The following CATSPERD variants were observed in gnomAD, a reference collection of about 807,000 sequenced individuals.
The protein encoded by CATSPERD is cation channel sperm-associated auxiliary subunit delta.
In CATSPERD, 86 loss-of-function variants were observed where a neutral mutation model predicts 98.1. The ratio of observed to expected loss-of-function variants is 0.88; its 90% CI spans 0.74 to 1.05. The LOEUF (loss-of-function observed/expected upper bound fraction) is 1.05, where lower values mean the gene tolerates loss of function less well. CATSPERD is among the 50% of genes least tolerant of loss of function. The pLI is 0.00. For missense variants in CATSPERD, 995 were observed against 1,005.7 expected (o/e 0.99, Z 0.14); for synonymous variants, 394 against 390.2 (o/e 1.01, Z -0.12).
chr19:5,766,846 C>T (rs1425587999), intron 17 of CATSPERD, among the ~76,000 whole-genome samples: 1 of 151,558 alleles, frequency 6.6e-6, no homozygotes, highest in Non-Finnish European at 1.5e-5. Flanking sequence ...GCGCCCGCTA[C>T]CATGCCTGGC....
At chr19:5,749,018 C>A in intron 10 of CATSPERD, 83 bp from the exon 11 acceptor site, 1 of 1,215,164 alleles carries the variant, frequency 8.2e-7, no homozygotes, top group Non-Finnish European at 1.2e-6. Flanking sequence ...GCGTGAGCCA[C>A]TGCACCCAAC....
At chr19:5,736,720 G>A (rs117990257) in intron 5 of CATSPERD, among the ~76,000 whole-genome samples, 4,008 of 151,690 alleles carry the variant, frequency 0.026, 91 homozygotes, top group Non-Finnish European at 0.037. Flanking sequence ...CAGCCTGGAT[G>A]ACAGAGGGGG....
intron 15 of CATSPERD, among the ~76,000 whole-genome samples, 184 bp downstream of exon 15, chr19:5,759,328 G>C (rs2056389911): frequency 6.6e-6 from 1 of 151,598 alleles, no homozygotes; most frequent in Non-Finnish European, 1.5e-5. Flanking sequence ...TTGGGAGGCA[G>C]AGGTGGGTGG....
At chr19:5,755,847 G>T (rs1469693110) in intron 13 of CATSPERD, among the ~76,000 whole-genome samples, 2 of 152,038 alleles carry the variant, frequency 1.3e-5, no homozygotes, top group Non-Finnish European at 2.9e-5. Context: ...GCATGCACCT[G>T]TAGTCCCAGC....
chr19:5,740,777 A>AG (rs2055946228), intron 7 of CATSPERD, among the ~76,000 whole-genome samples: 1 of 150,890 alleles, frequency 6.6e-6, no homozygotes, highest in Admixed American at 6.6e-5. Context: ...AAAAAAAAAA[A>AG]AAAAAAAAAG....
intron 7 of CATSPERD, among the ~76,000 whole-genome samples, chr19:5,742,246 G>A (rs1031226740): frequency 2.0e-5 from 3 of 151,226 alleles, no homozygotes; most frequent in African/African-American, 4.9e-5. Flanking sequence ...GTACGTATGT[G>A]AATGTGTGTG....
At chr19:5,747,934 C>T (rs1182714746) in intron 9 of CATSPERD, among the ~76,000 whole-genome samples, 4 of 152,050 alleles carry the variant, frequency 2.6e-5, no homozygotes, top group Admixed American at 1.3e-4. Context: ...TTTCTTAAAC[C>T]GAAGCATATT....
chr19:5,752,823 T>G (rs1043775698), intron 12 of CATSPERD, among the ~76,000 whole-genome samples: 1 of 150,460 alleles, frequency 6.6e-6, no homozygotes. Flanking sequence ...AGGTCAGGGG[T>G]TCGAGAGCAG....
intron 21 of CATSPERD, among the ~76,000 whole-genome samples, chr19:5,777,437 C>T (rs1023416859): frequency 2.6e-5 from 4 of 152,178 alleles, no homozygotes; most frequent in Admixed American, 6.6e-5. Context: ...CCTGACCTAG[C>T]CTCCACTGTC....
intron 14 of CATSPERD, among the ~76,000 whole-genome samples, 155 bp downstream of exon 14, chr19:5,758,087 C>T (rs890164845): frequency 3.9e-5 from 6 of 152,132 alleles, no homozygotes; most frequent in African/African-American, 7.2e-5. Context: ...GTCAACCACA[C>T]GCTTGACCTC....
At chr19:5,743,223 A>G (rs2056023170) in intron 7 of CATSPERD, among the ~76,000 whole-genome samples, 1 of 152,088 alleles carries the variant, frequency 6.6e-6, no homozygotes, top group Admixed American at 6.6e-5. Context: ...GAATCGATTG[A>G]ACCCAGGAGG....
At chr19:5,760,863 T>C (rs1291597185) in intron 15 of CATSPERD, among the ~76,000 whole-genome samples, 2 of 151,368 alleles carry the variant, frequency 1.3e-5, no homozygotes, top group South Asian at 2.1e-4. Context: ...TAGTAAGTTA[T>C]GGGCATGACA....
chr19:5,764,744 G>A (rs1291658370), intron 16 of CATSPERD, among the ~76,000 whole-genome samples: 1 of 152,130 alleles, frequency 6.6e-6, no homozygotes, highest in African/African-American at 2.4e-5. Context: ...CTCCCGAGTA[G>A]CTGGGATTAC....
chr19:5,731,521 C>T (rs1052238995), intron 4 of CATSPERD, among the ~76,000 whole-genome samples: 6 of 143,382 alleles, frequency 4.2e-5, no homozygotes, highest in African/African-American at 1.5e-4. Flanking sequence ...TGTCAATTAT[C>T]GAAAATACCA....
chr19:5,773,693 C>CTT (rs71172770), intron 20 of CATSPERD, among the ~76,000 whole-genome samples: 3 of 121,390 alleles, frequency 2.5e-5, no homozygotes, highest in Non-Finnish European at 3.6e-5. Context: ...ATTTTTGTAT[C>CTT]TTTTTTTTTT....
At chr19:5,774,213 G>A (rs895984924) in intron 20 of CATSPERD, among the ~76,000 whole-genome samples, 1 of 151,684 alleles carries the variant, frequency 6.6e-6, no homozygotes, top group Non-Finnish European at 1.5e-5. Flanking sequence ...TGATCCGCCC[G>A]CCTCGGCCTC....
chr19:5,757,477 A>C (rs1329604793), intron 13 of CATSPERD, among the ~76,000 whole-genome samples: 1 of 151,120 alleles, frequency 6.6e-6, no homozygotes, highest in African/African-American at 2.4e-5. Flanking sequence ...TTGTATTTTT[A>C]GTAGAGATGG....
chr19:5,777,097 T>C (rs2056752849), intron 21 of CATSPERD, among the ~76,000 whole-genome samples: 1 of 151,928 alleles, frequency 6.6e-6, no homozygotes, highest in Admixed American at 6.6e-5. Flanking sequence ...GTGTGTCCCT[T>C]TGGAAGGGGG....
Position 5,745,814 on chromosome 19 carries a change from C to T in CATSPERD, c.658-99C>T, listed in dbSNP as rs8109786. On this transcript the variant is annotated intron_variant, in intron 8 of 21. Coordinates refer to ENST00000381624, the MANE Select transcript of CATSPERD (RefSeq NM_152784.4). The stretch of plus-strand genomic sequence containing the variant: ...TGGCTTCTTTGCTTTCTTTGCTTTC[C>T]CCTGCACCTGCTAGCCAGACTCCTC... 2.9e-3 allele frequency: 3,580 copies of T among 1,232,498 alleles called. 86 individuals carry two copies. The African/African-American group carries it at 0.048, about 17-fold the overall frequency. The allele number at this position is 1,232,498 out of a possible 1,614,324, so 76.3% of individuals were successfully genotyped here.
Sources: allele counts gnomAD v4.1 joint callset (sites outside exome capture counted in the v4.1 genomes callset), GRCh38; gene constraint gnomAD v4.1.1; transcripts MANE v1.5; gene names NCBI Gene and HGNC (gene_info 2026-07-23, HGNC 2026-07-21).